Variants in PPME1 observed in about 807,000 individuals in gnomAD.
PPME1 encodes the protein testicular secretory protein Li 39.
In PPME1, 17 loss-of-function variants were observed where a neutral mutation model predicts 56.9. The ratio of observed to expected loss-of-function variants is 0.30; its 90% CI spans 0.20 to 0.45. The LOEUF is 0.45. Among genes scored for constraint, PPME1 ranks in the 20% least tolerant of loss-of-function variants. PPME1 has a pLI of 1.00. For synonymous variants in PPME1, 122 were observed against 156.2 expected (o/e 0.78, Z 1.63); for missense variants, 357 against 483.2 (o/e 0.74, Z 2.45).
At chr11:74,216,149 ATAAT>A (rs1285609652) in intron 3 of PPME1, among the ~76,000 whole-genome samples, 2 of 152,318 alleles carry the variant, frequency 1.3e-5, no homozygotes, top group African/African-American at 4.8e-5. Flanking sequence ...AATGGACTTA[ATAAT>A]TACCTACAGA....
chr11:74,239,327 G>A (rs1859286312), intron 9 of PPME1, 71 bp downstream of exon 9: 3 of 1,548,832 alleles, frequency 1.9e-6, no homozygotes, highest in South Asian at 1.3e-5. Flanking sequence ...GTGGGAAGGG[G>A]TGATAACATT....
intron 1 of PPME1, among the ~76,000 whole-genome samples, chr11:74,178,575 A>C (rs1055673626): frequency 3.9e-5 from 6 of 152,190 alleles, no homozygotes; most frequent in Admixed American, 3.9e-4. Context: ...TGAGGTTAAC[A>C]AGTGGAGAAG....
At chr11:74,188,479 C>G (rs1290757622) in intron 1 of PPME1, among the ~76,000 whole-genome samples, 1 of 152,010 alleles carries the variant, frequency 6.6e-6, no homozygotes, top group Non-Finnish European at 1.5e-5. Flanking sequence ...GCCACTGCGC[C>G]CAGCCCATAC....
intron 13 of PPME1, 148 bp from the exon 14 acceptor site, chr11:74,253,344 G>A (rs1011944142): frequency 2.6e-6 from 2 of 762,116 alleles, no homozygotes; most frequent in African/African-American, 1.7e-5. Flanking sequence ...GCAGACCCTG[G>A]GTCCAGCTCT....
intron 1 of PPME1, among the ~76,000 whole-genome samples, chr11:74,172,652 A>G (rs1157830170): frequency 6.6e-6 from 1 of 152,142 alleles, no homozygotes; most frequent in African/African-American, 2.4e-5. Flanking sequence ...ACATGGGAGA[A>G]GTAATTGCTG....
At chr11:74,205,088 A>C (rs951237775) in intron 3 of PPME1, 2 of 152,220 alleles carry the variant, frequency 1.3e-5, no homozygotes, top group African/African-American at 2.4e-5. Flanking sequence ...CAGACATTTT[A>C]TTTAGGTGCT....
chr11:74,172,741 C>G (rs1200680037), intron 1 of PPME1, among the ~76,000 whole-genome samples: 1 of 152,004 alleles, frequency 6.6e-6, no homozygotes, highest in Non-Finnish European at 1.5e-5. Context: ...GAATTAGTGA[C>G]TGTAAAGAGA....
At chr11:74,239,292 A>T (rs371247981) in intron 9 of PPME1, 36 bp downstream of exon 9, 1 of 1,605,360 alleles carries the variant, frequency 6.2e-7, no homozygotes, top group East Asian at 2.2e-5. Flanking sequence ...AAGATGCGGT[A>T]TGGAATGGTT....
intron 3 of PPME1, among the ~76,000 whole-genome samples, chr11:74,213,456 C>T (rs2135637050): frequency 6.6e-6 from 1 of 152,336 alleles, no homozygotes; most frequent in Admixed American, 6.5e-5. Context: ...TTGCTACCTG[C>T]TGATTATGGA....
Position 74,251,410 on chromosome 11 carries a change from A to G in PPME1, c.1075-238A>G, listed in dbSNP as rs1163836832. 3 of 1,381,394 alleles carry G rather than the reference A, an allele frequency of 2.2e-6. No individual in the cohort carries two copies. In the African/African-American group the frequency reaches 4.3e-5, roughly 20 times the overall value. 85.6% of individuals were successfully genotyped at this position (1,381,394 alleles called of 1,614,324 possible). ...CACCATTCTGTAACTCTGAGGGCAC[A>G]CATAAGCCCTTCACGTCATTCCTCT... On this transcript the variant is annotated intron_variant, in intron 12 of 13. Transcript: ENST00000328257.
rs1859037915 is a variant in PPME1, at chr11:74,230,468, T to G, written c.553+69T>G. ...GAGACATCCTTGGTAGATTATTACC[T>G]TGTCTTAGTTTATTGTTGATTTCAT... On this transcript the variant is annotated intron_variant, in intron 6 of 13. Transcript: ENST00000328257. The surrounding 1 kb of genome is among the most constrained non-coding windows in gnomAD (Gnocchi z 4.9). 6.6e-7 allele frequency: 1 copy of G among 1,510,906 alleles called. No individual in the cohort carries two copies. The highest frequency in any genetic ancestry group is 1.9e-5 in the Admixed American group (1 of 53,728). 93.6% of individuals were successfully genotyped at this position (1,510,906 alleles called of 1,614,324 possible). A position where few individuals can be genotyped will look rare whatever the true frequency, so the allele number is the denominator to read the frequency against.
At chr11:74,244,972 A>G (rs1329027258) in intron 9 of PPME1, among the ~76,000 whole-genome samples, 1 of 152,090 alleles carries the variant, frequency 6.6e-6, no homozygotes, top group East Asian at 1.9e-4. Context: ...TTCCCCATTG[A>G]GTGGTCTTGG....
intron 1 of PPME1, among the ~76,000 whole-genome samples, chr11:74,184,457 A>G (rs1409378695): frequency 1.3e-5 from 2 of 152,208 alleles, no homozygotes; most frequent in Non-Finnish European, 2.9e-5. Flanking sequence ...TTAAGTTGGA[A>G]AATCTCTATA....
At chr11:74,204,130 C>T (rs1858255430) in intron 2 of PPME1, among the ~76,000 whole-genome samples, 1 of 150,044 alleles carries the variant, frequency 6.7e-6, no homozygotes, top group African/African-American at 2.5e-5. Context: ...GTTATGTCCT[C>T]ATGAGGGCAA....
intron 3 of PPME1, among the ~76,000 whole-genome samples, chr11:74,218,952 A>C (rs1202048308): frequency 1.3e-5 from 2 of 152,186 alleles, no homozygotes; most frequent in Non-Finnish European, 2.9e-5. Flanking sequence ...GAAACAACCC[A>C]CAGAATGGGA....
rs779114893 is a variant in PPME1 at position 74,230,290 on chromosome 11, T to G, written c.444T>G (p.Pro148=). 1.2e-6 allele frequency: 2 copies of G among 1,613,410 alleles called. No homozygotes were observed. Among genetic ancestry groups the G allele is most frequent in the South Asian group, 2.2e-5 (2 of 90,938 alleles). Residue 148 remains proline (P), a synonymous_variant, in exon 6 of 14, where the codon CCT becomes CCG. Coordinates refer to ENST00000328257, the MANE Select transcript of PPME1 (RefSeq NM_016147.3). This position sits in a 1 kb window ranked among gnomAD's most constrained non-coding sequence, Gnocchi z 4.9. The stretch of plus-strand genomic sequence containing the variant: ...AAGCCATGTATGGGGACCTTCCTCC[T>G]CCAATTATGCTGATTGGACATAGCA... The part of the protein sequence containing the change: ...VVEAMYGDLP[P]PIMLIGHSMG...
chr11:74,183,539 T>A (rs1378156190), intron 1 of PPME1, among the ~76,000 whole-genome samples: 2 of 152,116 alleles, frequency 1.3e-5, no homozygotes, highest in African/African-American at 4.8e-5. Flanking sequence ...CCATAAGTAA[T>A]ATATAATGGA....
In PPME1 at chr11:74,202,450, G is replaced by T. The variant is rs151037609; in HGVS notation, c.102-1278G>T. 7.0e-4 allele frequency among the ~76,000 whole-genome samples: 107 copies of T among 152,240 alleles called. 2 individuals are homozygous for T. Among genetic ancestry groups the T allele is most frequent in the Non-Finnish European group, 3.7e-4 (25 of 68,008 alleles). Reference sequence around the variant, plus strand: ...AGAATATATCCCTTCCTACCCAGCCGCTGTGTTGTAATTTTTCCAGTATTA... The same window carrying T: ...AGAATATATCCCTTCCTACCCAGCCTCTGTGTTGTAATTTTTCCAGTATTA... On this transcript the variant is annotated intron_variant, in intron 1 of 13. Coordinates refer to ENST00000328257, the MANE Select transcript of PPME1 (RefSeq NM_016147.3).
intron 1 of PPME1, among the ~76,000 whole-genome samples, chr11:74,183,111 A>G (rs1015542021): frequency 7.9e-5 from 12 of 152,112 alleles, no homozygotes; most frequent in African/African-American, 2.9e-4. Flanking sequence ...AGCCTGGGCA[A>G]CATAGTGAGA....
Sources: allele counts gnomAD v4.1 joint callset (sites outside exome capture counted in the v4.1 genomes callset), GRCh38; gene constraint gnomAD v4.1.1; non-coding constraint Gnocchi (gnomAD v3.1); transcripts MANE v1.5; gene names NCBI Gene and HGNC (gene_info 2026-07-23, HGNC 2026-07-21).